Variants in PTPRD observed in about 807,000 individuals in gnomAD.
The protein encoded by PTPRD is protein tyrosine phosphatase receptor type D, also known as receptor-type tyrosine-protein phosphatase delta.
A neutral mutation model predicts 214.5 loss-of-function variants in PTPRD; 34 were observed. That is an observed-to-expected ratio of 0.16 (90% CI 0.12 to 0.21). The LOEUF (loss-of-function observed/expected upper bound fraction) is 0.21. Among genes scored for constraint, PTPRD ranks in the 10% least tolerant of loss-of-function variants. PTPRD has a pLI of 1.00. For synonymous variants in PTPRD, 1,128 were observed against 845.7 expected (o/e 1.33, Z -5.79); for missense variants, 2,545 against 2,398.7 (o/e 1.06, Z -1.27).
intron 2 of PTPRD, among the ~76,000 whole-genome samples, chr9:10,401,855 C>A (rs926597861): frequency 6.6e-5 from 10 of 150,864 alleles, no homozygotes; most frequent in Non-Finnish European, 1.2e-4. Context: ...TCTTTAAATT[C>A]CTAAGTTTGA....
At chr9:8,924,121 G>A (rs1567026895) in intron 11 of PTPRD, among the ~76,000 whole-genome samples, 1 of 78,724 alleles carries the variant, frequency 1.3e-5, no homozygotes, top group South Asian at 3.5e-4. Context: ...AGGGGCCTAA[G>A]CTACGATTAA....
chr9:9,811,307 A>C (rs1453889907), intron 5 of PTPRD, among the ~76,000 whole-genome samples: 1 of 152,252 alleles, frequency 6.6e-6, no homozygotes, highest in African/African-American at 2.4e-5. Flanking sequence ...CAGATGTGGT[A>C]GAAATGCAAG....
At position 8,633,297 on chromosome 9, in the gene PTPRD, A is replaced by C. The variant is rs766876724; in HGVS notation, c.352+20T>G. On this transcript the variant is annotated intron_variant, in intron 14 of 45. Coordinates refer to ENST00000381196, the MANE Select transcript of PTPRD (RefSeq NM_002839.4). Reference sequence around the variant, plus strand: ...AATTGTAACAATGACACAAACGACAACCTTCACTTGAGCACTTACCCCGCA... The same window carrying C: ...AATTGTAACAATGACACAAACGACACCCTTCACTTGAGCACTTACCCCGCA... 4 of 1,607,192 alleles carry C rather than the reference A, an allele frequency of 2.5e-6. No individual in the cohort carries two copies. The highest frequency in any genetic ancestry group is 3.4e-6 in the Non-Finnish European group (4 of 1,176,690).
intron 2 of PTPRD, among the ~76,000 whole-genome samples, chr9:10,381,459 A>T (rs1302760250): frequency 6.6e-6 from 1 of 152,030 alleles, no homozygotes; most frequent in Non-Finnish European, 1.5e-5. Context: ...CTTTCAATAG[A>T]GTGAAATGGG....
At chr9:10,560,702 A>G (rs1439504005) in intron 2 of PTPRD, among the ~76,000 whole-genome samples, 2 of 152,296 alleles carry the variant, frequency 1.3e-5, no homozygotes, top group Admixed American at 6.6e-5. Context: ...TACAGTGCAT[A>G]AAGTGCTGTA....
intron 2 of PTPRD, among the ~76,000 whole-genome samples, chr9:10,458,025 A>G (rs1033799336): frequency 6.6e-6 from 1 of 152,078 alleles, no homozygotes; most frequent in African/African-American, 2.4e-5. Context: ...AAGCCTGAAC[A>G]GACCAATAAC....
At chr9:8,477,232 G>C (rs1292123197) in intron 30 of PTPRD, among the ~76,000 whole-genome samples, 1 of 151,990 alleles carries the variant, frequency 6.6e-6, no homozygotes, top group Non-Finnish European at 1.5e-5. Flanking sequence ...ACTCAAAACA[G>C]CTTTTCAACA....
At chr9:9,640,855 T>C (rs1402098998) in intron 7 of PTPRD, among the ~76,000 whole-genome samples, 1 of 152,222 alleles carries the variant, frequency 6.6e-6, no homozygotes, top group Non-Finnish European at 1.5e-5. Flanking sequence ...TCATTGTAAA[T>C]AACGGATACT....
At chr9:9,342,596 C>T (rs1383027416) in intron 9 of PTPRD, among the ~76,000 whole-genome samples, 1 of 152,080 alleles carries the variant, frequency 6.6e-6, no homozygotes, top group Non-Finnish European at 1.5e-5. Context: ...TTTGGGGATA[C>T]TGAGTCCTGT....
At chr9:9,926,646 T>A (rs1257679432) in intron 5 of PTPRD, among the ~76,000 whole-genome samples, 2 of 152,138 alleles carry the variant, frequency 1.3e-5, no homozygotes, top group East Asian at 3.8e-4. Flanking sequence ...TTCAAATATA[T>A]ATGACTTATT....
chr9:9,416,583 T>C (rs1448204572), intron 8 of PTPRD, among the ~76,000 whole-genome samples: 2 of 127,336 alleles, frequency 1.6e-5, no homozygotes, highest in African/African-American at 2.8e-5. Flanking sequence ...TCCTCTCTAA[T>C]GTTATTCCTT....
chr9:8,778,256 A>G (rs2095559582), intron 11 of PTPRD, among the ~76,000 whole-genome samples: 1 of 152,248 alleles, frequency 6.6e-6, no homozygotes, highest in African/African-American at 2.4e-5. Context: ...ATGAGCCAAA[A>G]TTAGTAATAA....
intron 4 of PTPRD, among the ~76,000 whole-genome samples, chr9:10,017,608 G>C (rs1407227482): frequency 6.6e-6 from 1 of 152,042 alleles, no homozygotes; most frequent in Non-Finnish European, 1.5e-5. Context: ...ATGGTGTGAA[G>C]TAGGAGGCCA....
chr9:8,691,277 G>C (rs16928268), intron 12 of PTPRD, among the ~76,000 whole-genome samples: 9,440 of 151,822 alleles, frequency 0.062, 417 homozygotes, highest in East Asian at 0.18. Context: ...AAACATATGC[G>C]TATCCACTAT....
chr9:9,577,719 A>G (rs1592046423), intron 7 of PTPRD, among the ~76,000 whole-genome samples: 1 of 152,142 alleles, frequency 6.6e-6, no homozygotes, highest in South Asian at 2.1e-4. Flanking sequence ...ATAAATTTTA[A>G]GAAATTTTAT....
intron 11 of PTPRD, among the ~76,000 whole-genome samples, chr9:8,942,327 C>T (rs959552812): frequency 6.6e-6 from 1 of 152,132 alleles, no homozygotes; most frequent in Admixed American, 6.6e-5. Context: ...AAAAAACATG[C>T]AAGTTATCAC....
intron 5 of PTPRD, among the ~76,000 whole-genome samples, chr9:9,880,310 A>G (rs1466260206): frequency 1.3e-5 from 2 of 152,156 alleles, no homozygotes; most frequent in African/African-American, 2.4e-5. Context: ...ACCCAGTCTC[A>G]GGTAGTATTT....
At chr9:8,611,992 G>C (rs2095469453) in intron 14 of PTPRD, among the ~76,000 whole-genome samples, 1 of 118,840 alleles carries the variant, frequency 8.4e-6, no homozygotes, top group Non-Finnish European at 1.7e-5. Context: ...GGGAGGGGAG[G>C]GTTTGGGAGG....
chr9:9,563,804 T>C (rs1424825761), intron 8 of PTPRD, among the ~76,000 whole-genome samples: 1 of 152,174 alleles, frequency 6.6e-6, no homozygotes, highest in Non-Finnish European at 1.5e-5. Context: ...TGCATTCTCA[T>C]ACTATAGAAC....
Sources: gnomAD v4.1 joint callset for allele counts (sites outside exome capture counted in the v4.1 genomes callset) on GRCh38, gnomAD v4.1.1 for gene constraint, MANE v1.5 for transcripts, NCBI Gene and HGNC (gene_info 2026-07-23, HGNC 2026-07-21) for gene names.